The following SLC41A2 variants were observed in gnomAD, a reference collection of about 807,000 sequenced individuals.
SLC41A2 encodes the protein solute carrier family 41 member 2, also known as SLC41A1-like 1.
SLC41A2 carries 32 observed loss-of-function variants against 58.3 expected under a neutral mutation model. The ratio of observed to expected loss-of-function variants is 0.55; its 90% confidence interval spans 0.41 to 0.74. The LOEUF (loss-of-function observed/expected upper bound fraction) is 0.74. Among genes scored for constraint, SLC41A2 ranks in the 30% least tolerant of loss-of-function variants. The probability of loss-of-function intolerance (pLI) is 0.00; values close to 1 mark genes in which losing one functional copy is unlikely to be tolerated. For synonymous variants in SLC41A2, 190 were observed against 235.0 expected (o/e 0.81, Z 1.75); for missense variants, 514 against 680.6 (o/e 0.76, Z 2.72).
chr12:104,805,402 C>A, intron 10 of SLC41A2, 65 bp from the exon 11 acceptor site: 2 of 1,410,994 alleles, frequency 1.4e-6, no homozygotes, highest in Admixed American at 2.1e-5. Flanking sequence ...AACATGGCCA[C>A]AAGCCTAAAC....
chr12:104,918,690 C>T (rs940935778), intron 2 of SLC41A2, among the ~76,000 whole-genome samples: 1 of 149,870 alleles, frequency 6.7e-6, no homozygotes, highest in African/African-American at 2.5e-5. Flanking sequence ...GCTAAGGGTG[C>T]ATACAGCAGA....
At chr12:104,891,261 A>G (rs945542753) in intron 4 of SLC41A2, among the ~76,000 whole-genome samples, 4 of 152,090 alleles carry the variant, frequency 2.6e-5, no homozygotes, top group African/African-American at 9.7e-5. Context: ...GGCTATGGCA[A>G]CTAGAATCAG....
chr12:104,879,320 C>A (rs918000591), intron 6 of SLC41A2, among the ~76,000 whole-genome samples: 7 of 152,140 alleles, frequency 4.6e-5, no homozygotes, highest in Admixed American at 2.0e-4. Context: ...TTAATTAGAT[C>A]CCATTTGTCT....
intron 8 of SLC41A2, among the ~76,000 whole-genome samples, chr12:104,859,865 T>G (rs1365290726): frequency 5.3e-5 from 8 of 151,922 alleles, no homozygotes; most frequent in African/African-American, 1.7e-4. Flanking sequence ...GCCTCCCAAG[T>G]AGCTGGGACT....
intron 10 of SLC41A2, among the ~76,000 whole-genome samples, chr12:104,835,554 C>A (rs1045117252): frequency 2.0e-5 from 3 of 152,118 alleles, no homozygotes; most frequent in Non-Finnish European, 4.4e-5. Flanking sequence ...AAATTGTTAT[C>A]CACTATAAAA....
intron 2 of SLC41A2, among the ~76,000 whole-genome samples, chr12:104,925,777 A>G (rs1432600380): frequency 6.6e-6 from 1 of 152,138 alleles, no homozygotes; most frequent in Non-Finnish European, 1.5e-5. Flanking sequence ...CTGTACTCTA[A>G]CACCTTAGTC....
chr12:104,945,539 A>G (rs558665140), intron 1 of SLC41A2, among the ~76,000 whole-genome samples: 1 of 152,254 alleles, frequency 6.6e-6, no homozygotes, highest in South Asian at 2.1e-4. Flanking sequence ...AAACCACAAA[A>G]GATACACAAA....
chr12:104,815,300 A>G (rs1458775897), intron 10 of SLC41A2, among the ~76,000 whole-genome samples: 1 of 152,210 alleles, frequency 6.6e-6, no homozygotes, highest in Non-Finnish European at 1.5e-5. Flanking sequence ...CACTGAACAC[A>G]CCAAGGGTAG....
intron 1 of SLC41A2, among the ~76,000 whole-genome samples, chr12:104,951,231 G>C (rs1200941310): frequency 6.6e-6 from 1 of 152,094 alleles, no homozygotes; most frequent in African/African-American, 2.4e-5. Flanking sequence ...CATATTTAGA[G>C]TTATTTCCTT....
chr12:104,827,340 C>A (rs968467804), intron 10 of SLC41A2, among the ~76,000 whole-genome samples: 1 of 152,062 alleles, frequency 6.6e-6, no homozygotes, highest in Admixed American at 6.6e-5. Flanking sequence ...ACAGGGAGGC[C>A]CAGCAAAGGG....
At chr12:104,946,892 A>G (rs1413596440) in intron 1 of SLC41A2, among the ~76,000 whole-genome samples, 1 of 152,230 alleles carries the variant, frequency 6.6e-6, no homozygotes, top group Non-Finnish European at 1.5e-5. Context: ...ACTGGCTTAC[A>G]TCCTGACTTT....
rs149735914 is a variant in SLC41A2, at chr12:104,880,728, T to C, written c.1027+5565A>G. ...CTGGATTCGTTTTGCCAGTATTTTATTGAGGATTTTTGTGTCAATGTTTAT... is the reference window on the plus strand; with the variant it reads ...CTGGATTCGTTTTGCCAGTATTTTACTGAGGATTTTTGTGTCAATGTTTAT... On this transcript the variant is annotated intron_variant, in intron 6 of 10. Transcript: ENST00000258538. Among the ~76,000 whole-genome samples the C allele has an allele frequency of 5.9e-3, 896 of 152,352 alleles. 16 individuals carry two copies. Among genetic ancestry groups the C allele is most frequent in the African/African-American group, 0.02 (843 of 41,572 alleles).
intron 3 of SLC41A2, among the ~76,000 whole-genome samples, chr12:104,897,127 T>A (rs960489656): frequency 3.3e-5 from 5 of 149,814 alleles, no homozygotes; most frequent in African/African-American, 1.2e-4. Context: ...AAACCCAGAG[T>A]GACACTTTTC....
chr12:104,814,681 C>T (rs1475288284), intron 10 of SLC41A2, among the ~76,000 whole-genome samples: 1 of 151,952 alleles, frequency 6.6e-6, no homozygotes, highest in Non-Finnish European at 1.5e-5. Flanking sequence ...GACTGATTGC[C>T]AAAATTAAAC....
chr12:104,814,525 T>C (rs530138277), intron 10 of SLC41A2, among the ~76,000 whole-genome samples: 5 of 152,196 alleles, frequency 3.3e-5, no homozygotes, highest in Middle Eastern at 3.4e-3. Context: ...TCTAGCAAAA[T>C]ACTTATACAT....
At chr12:104,893,866 T>C (rs1593089301) in intron 4 of SLC41A2, among the ~76,000 whole-genome samples, 1 of 151,878 alleles carries the variant, frequency 6.6e-6, no homozygotes, top group African/African-American at 2.4e-5. Flanking sequence ...GGAAGGGTAG[T>C]AGGAGGGTAT....
At chr12:104,811,819 C>A (rs2041186495) in intron 10 of SLC41A2, among the ~76,000 whole-genome samples, 1 of 152,188 alleles carries the variant, frequency 6.6e-6, no homozygotes, top group Non-Finnish European at 1.5e-5. Context: ...CCTGTAGAAT[C>A]CACGAAAGGT....
chr12:104,809,612 TAGAA>T (rs1320110619), intron 10 of SLC41A2, among the ~76,000 whole-genome samples: 1 of 152,198 alleles, frequency 6.6e-6, no homozygotes, highest in African/African-American at 2.4e-5. Flanking sequence ...CATGAAATAT[TAGAA>T]AGAATCCTGG....
chr12:104,909,811 A>G (rs1489915013), intron 2 of SLC41A2, 49 bp from the exon 3 acceptor site: 1 of 1,260,586 alleles, frequency 7.9e-7, no homozygotes, highest in Non-Finnish European at 1.1e-6. Context: ...TTTAAAAAAT[A>G]CTTTAGAACA....
Sources: gnomAD v4.1 joint callset for allele counts (sites outside exome capture counted in the v4.1 genomes callset) on GRCh38, gnomAD v4.1.1 for gene constraint, MANE v1.5 for transcripts, NCBI Gene and HGNC (gene_info 2026-07-23, HGNC 2026-07-21) for gene names.